Variants in ICE2 observed in about 807,000 individuals in gnomAD.
ICE2 encodes little elongation complex subunit 2.
A neutral mutation model predicts 105.4 loss-of-function variants in ICE2; 87 were observed. That is an observed-to-expected ratio of 0.83 (90% CI 0.69 to 0.99). ICE2 has a LOEUF of 0.99. ICE2 is among the 50% of genes least tolerant of loss of function. The pLI is 0.00. For synonymous variants in ICE2, 399 were observed against 392.0 expected (o/e 1.02, Z -0.21); for missense variants, 1,323 against 1,146.7 (o/e 1.15, Z -2.22).
chr15:60,468,114 G>C lies in ICE2; in HGVS notation c.355C>G (p.Pro119Ala). ...ATTCCAACAGCTTTGGAATTTGCAG[G>C]AATCTTTGCGTATTTAACCAACAAG... ...VDLLVKYAKI[P>A]ANSKAVGINK... The change falls in exon 4 of 16, where the codon CCT becomes GCT. Residue 119 changes from proline to alanine, a missense_variant. Physicochemically the swap from Pro to Ala is conservative, Grantham distance 27. Transcript: ENST00000261520. The C allele has an allele frequency of 6.2e-7, 1 of 1,613,806 alleles. No homozygotes were observed. The highest frequency in any genetic ancestry group is 1.1e-5 in the South Asian group (1 of 91,002).
At chr15:60,433,466 TTCTC>T (rs368234959) in intron 13 of ICE2, among the ~76,000 whole-genome samples, 25 of 151,396 alleles carry the variant, frequency 1.7e-4, no homozygotes, top group Non-Finnish European at 2.2e-4. Flanking sequence ...CTTCCTTTTC[TTCTC>T]TCTCTCTCTC....
At chr15:60,424,420 A>ATGGGCAAAGGGGAAGAGGGGGATGAGAG (rs56371232) in intron 15 of ICE2, among the ~76,000 whole-genome samples, 2 of 149,334 alleles carry the variant, frequency 1.3e-5, no homozygotes, top group Non-Finnish European at 3.0e-5. Context: ...AATACAGAGG[A>ATGGGCAAAGGGGAAGAGGGGGATGAGAG]TGGGGGAAGG....
At chr15:60,432,145 A>G (rs983205963) in intron 13 of ICE2, among the ~76,000 whole-genome samples, 161 bp from the exon 14 acceptor site, 2 of 150,960 alleles carry the variant, frequency 1.3e-5, no homozygotes, top group South Asian at 2.1e-4. Context: ...TTTGGATTAA[A>G]TTATGATATT....
rs1380279804 is a variant in ICE2, at chr15:60,448,898, G to A, written c.2069C>T (p.Ser690Phe). ...SEQLSGPSDS[S>F]SWPKSGWPSA... ...AGGCCATCCAGATTTCGGCCAACTAGAGGAGTCTGAAGGACCAGACAATTG... is the reference window on the plus strand; with the variant it reads ...AGGCCATCCAGATTTCGGCCAACTAAAGGAGTCTGAAGGACCAGACAATTG... The change falls in exon 10 of 16, where the codon TCT (serine) becomes TTT (phenylalanine). Residue 690 changes from serine (S) to phenylalanine (F), a missense_variant. Transcript: ENST00000261520. 6.2e-7 allele frequency: 1 copy of A among 1,611,122 alleles called. No homozygotes were observed. Among genetic ancestry groups the A allele is most frequent in the Non-Finnish European group, 8.5e-7 (1 of 1,179,168 alleles).
At chr15:60,436,083 A>T (rs933055298) in intron 13 of ICE2, 60 bp downstream of exon 13, 5 of 646,494 alleles carry the variant, frequency 7.7e-6, no homozygotes, top group Non-Finnish European at 1.3e-5. Flanking sequence ...ATATTTAAAG[A>T]AAAATTAATG....
chr15:60,446,192 G>A (rs1184264390), intron 11 of ICE2, among the ~76,000 whole-genome samples: 2 of 152,084 alleles, frequency 1.3e-5, no homozygotes, highest in Non-Finnish European at 2.9e-5. Context: ...TAAATTATGT[G>A]AATTAGAAGT....
chr15:60,444,232 T>A (rs1381345226), intron 11 of ICE2, among the ~76,000 whole-genome samples: 1 of 152,158 alleles, frequency 6.6e-6, no homozygotes, highest in African/African-American at 2.4e-5. Flanking sequence ...TCCATATATT[T>A]AAAAAAAATT....
At chr15:60,470,238 T>C (rs1441473526) in intron 3 of ICE2, among the ~76,000 whole-genome samples, 1 of 152,160 alleles carries the variant, frequency 6.6e-6, no homozygotes. Flanking sequence ...AAAGTAGATA[T>C]GTACATCAAC....
chr15:60,439,019 T>C (rs776722266), intron 12 of ICE2: 1 of 152,204 alleles, frequency 6.6e-6, no homozygotes, highest in African/African-American at 2.4e-5. Flanking sequence ...CATTCATATA[T>C]ATATGCACAT....
At chr15:60,424,833 C>T (rs1761186052) in intron 15 of ICE2, among the ~76,000 whole-genome samples, 1 of 152,174 alleles carries the variant, frequency 6.6e-6, no homozygotes, top group African/African-American at 2.4e-5. Context: ...ATACAGAATC[C>T]CTTGCTATGT....
In ICE2 at chr15:60,422,624, C is replaced by G. The variant is rs185954403; in HGVS notation, c.*1010G>C. 6.6e-6 allele frequency: 1 copy of G among 152,198 alleles called. No individual in the cohort carries two copies. The highest frequency in any genetic ancestry group is 1.5e-5 in the Non-Finnish European group (1 of 68,112). The allele number at this position is 152,198 out of a possible 1,614,324, so 9.4% of individuals were successfully genotyped here. A position where few individuals can be genotyped will look rare whatever the true frequency, so the allele number is the denominator to read the frequency against. ...GGCCAAGGCAGGCGGATCACAAGGT[C>G]AGGAGTTTGAGACCAGCCCGGCCAA... is the stretch of plus-strand genomic sequence containing the variant. On this transcript the variant is annotated 3_prime_UTR_variant, in exon 16 of 16. Coordinates refer to ENST00000261520, the MANE Select transcript of ICE2 (RefSeq NM_024611.6).
At chr15:60,460,910 C>G (rs1040624425) in intron 5 of ICE2, among the ~76,000 whole-genome samples, 5 of 152,102 alleles carry the variant, frequency 3.3e-5, no homozygotes, top group African/African-American at 1.2e-4. Flanking sequence ...AAACTGTAAG[C>G]CCTTTAGATT....
intron 3 of ICE2, among the ~76,000 whole-genome samples, chr15:60,474,557 T>C (rs542299994): frequency 1.3e-5 from 2 of 152,306 alleles, no homozygotes; most frequent in Admixed American, 6.5e-5. Context: ...AAATGGAAAG[T>C]TGTTAGTCCT....
intron 3 of ICE2, among the ~76,000 whole-genome samples, chr15:60,472,469 A>C (rs1192800025): frequency 6.6e-6 from 1 of 152,228 alleles, no homozygotes; most frequent in Non-Finnish European, 1.5e-5. Context: ...AAAGACTAGA[A>C]ACATCATATC....
chr15:60,457,292 A>T (rs1480988650), intron 5 of ICE2, among the ~76,000 whole-genome samples: 1 of 152,196 alleles, frequency 6.6e-6, no homozygotes, highest in Admixed American at 6.5e-5. Context: ...CTGTTTTCAA[A>T]ATATTAATGA....
chr15:60,454,325 C>T (rs938727982), intron 8 of ICE2, among the ~76,000 whole-genome samples: 1 of 152,030 alleles, frequency 6.6e-6, no homozygotes, highest in Non-Finnish European at 1.5e-5. Flanking sequence ...TATAGACTTA[C>T]TGTTATTCCA....
chr15:60,424,141 G>A (rs867895234), intron 15 of ICE2, among the ~76,000 whole-genome samples: 8 of 152,168 alleles, frequency 5.3e-5, no homozygotes, highest in Middle Eastern at 3.4e-3. Flanking sequence ...AATAGGGAGG[G>A]AGCGAAAGGA....
chr15:60,456,231 A>AAAATTT (rs1484350457), intron 6 of ICE2, among the ~76,000 whole-genome samples: 2 of 6,366 alleles, frequency 3.1e-4, no homozygotes, highest in African/African-American at 3.5e-4. Flanking sequence ...ATTATTGCTT[A>AAAATTT]AAATTTAATG....
rs753015640 is a variant in ICE2 at position 60,448,895 on chromosome 15, C to A, written c.2072G>T (p.Ser691Ile). The part of the protein sequence containing the change: ...EQLSGPSDSS[S>I]WPKSGWPSAF... ...AGAAGGCCATCCAGATTTCGGCCAA[C>A]TAGAGGAGTCTGAAGGACCAGACAA... Residue 691 changes from serine to isoleucine, a missense_variant, in exon 10 of 16, where the codon AGT becomes ATT. Coordinates refer to ENST00000261520, the MANE Select transcript of ICE2 (RefSeq NM_024611.6). 2 of 1,610,704 alleles carry A rather than the reference C, an allele frequency of 1.2e-6. No individual in the cohort carries two copies. Among genetic ancestry groups the A allele is most frequent in the Non-Finnish European group, 8.5e-7 (1 of 1,179,114 alleles).
Sources: allele counts gnomAD v4.1 joint callset (sites outside exome capture counted in the v4.1 genomes callset), GRCh38; gene constraint gnomAD v4.1.1; transcripts MANE v1.5; gene names NCBI Gene and HGNC (gene_info 2026-07-23, HGNC 2026-07-21).